SMAD2: variants seen among roughly 807,000 people sequenced by gnomAD.
SMAD2 encodes MAD homolog 2.
In SMAD2, 8 loss-of-function variants were observed where a neutral mutation model predicts 64.4. The observed-to-expected ratio is 0.12, with a 90% confidence interval of 0.07 to 0.22. The LOEUF is 0.22. SMAD2 is among the 10% of genes least tolerant of loss of function. The pLI, the probability that SMAD2 is intolerant of heterozygous loss-of-function variation, is 1.00. For synonymous variants in SMAD2, 203 were observed against 195.8 expected (o/e 1.04, Z -0.31); for missense variants, 289 against 561.2 (o/e 0.51, Z 4.90).
rs1350497083 is a variant in SMAD2, at chr18:47,831,449, A to C, written c.*10378T>G. 3 of 152,216 alleles carry C rather than the reference A, an allele frequency of 2.0e-5. No homozygotes were observed. Among genetic ancestry groups the C allele is most frequent in the Non-Finnish European group, 4.4e-5 (3 of 68,040 alleles). 9.4% of individuals were successfully genotyped at this position (152,216 alleles called of 1,614,324 possible). ...TTTCCTGTCATCACATCTCTTTCCT[A>C]AACTACTTTAGAACTTAAATAATTT... On this transcript the variant is annotated 3_prime_UTR_variant, in exon 11 of 11. Transcript: ENST00000262160.
rs1308245445 is a variant in SMAD2 at position 47,818,573 on chromosome 18, T to C, written c.*23254A>G. ...ATCCACAACTGCTAAAATGCTTCCC[T>C]GCCTGCACTGACTAGTCAAAAAAAC... On this transcript the variant is annotated 3_prime_UTR_variant, in exon 11 of 11. Transcript: ENST00000262160. The C allele has an allele frequency of 6.6e-6, 1 of 152,222 alleles. No homozygotes were observed. The highest frequency in any genetic ancestry group is 2.4e-5 in the African/African-American group (1 of 41,448). The allele number at this position is 152,222 out of a possible 1,614,324, so 9.4% of individuals were successfully genotyped here.
At chr18:47,870,996 T>G (rs890067069) in intron 2 of SMAD2, among the ~76,000 whole-genome samples, 1 of 152,190 alleles carries the variant, frequency 6.6e-6, no homozygotes, top group African/African-American at 2.4e-5. Context: ...TAGACATGCA[T>G]CCACAGTTAA....
chr18:47,913,454 T>TA (rs2034220233), intron 1 of SMAD2, among the ~76,000 whole-genome samples: 1 of 152,200 alleles, frequency 6.6e-6, no homozygotes, highest in Non-Finnish European at 1.5e-5. Flanking sequence ...AGTGAACACT[T>TA]AAAGTTGCCA....
At position 47,814,496 on chromosome 18, in the gene SMAD2, A is replaced by T. The variant is rs1912304902; in HGVS notation, c.*27331T>A. 1 of 152,190 alleles carries T rather than the reference A, an allele frequency of 6.6e-6. No individual in the cohort carries two copies. The highest frequency in any genetic ancestry group is 1.5e-5 in the Non-Finnish European group (1 of 68,038). 9.4% of individuals were successfully genotyped at this position (152,190 alleles called of 1,614,324 possible). The stretch of plus-strand genomic sequence containing the variant: ...GAAACTGAGAATACGATGTGAGAAG[A>T]GTCTCTTCATTAGGCAGGAGTGGAA... On this transcript the variant is annotated 3_prime_UTR_variant, in exon 11 of 11. Coordinates refer to ENST00000262160, the MANE Select transcript of SMAD2 (RefSeq NM_005901.6).
intron 1 of SMAD2, among the ~76,000 whole-genome samples, chr18:47,905,941 A>G (rs551171413): frequency 6.6e-6 from 1 of 152,064 alleles, no homozygotes; most frequent in East Asian, 1.9e-4. Context: ...GCAAGACCCC[A>G]TCTCTACTAA....
intron 2 of SMAD2, among the ~76,000 whole-genome samples, chr18:47,871,509 C>T (rs894936209): frequency 3.3e-5 from 5 of 152,202 alleles, no homozygotes; most frequent in Admixed American, 2.0e-4. Flanking sequence ...AACAGAACCA[C>T]CTGGCATCCT....
chr18:47,811,856 T>C lies in SMAD2; in HGVS notation c.*29971A>G, dbSNP rs1400146451. On this transcript the variant is annotated 3_prime_UTR_variant, in exon 11 of 11. Transcript: ENST00000262160. ...CTGTCAGTCGATCAAGAAGCATTTA[T>C]TGCATGCCTACCATATATAAAGCAC... is the stretch of plus-strand genomic sequence containing the variant. 6.6e-6 allele frequency: 1 copy of C among 152,210 alleles called. No individual in the cohort carries two copies. The highest frequency in any genetic ancestry group is 1.5e-5 in the Non-Finnish European group (1 of 68,040). The allele number at this position is 152,210 out of a possible 1,614,324, so 9.4% of individuals were successfully genotyped here. A position where few individuals can be genotyped will look rare whatever the true frequency, so the allele number is the denominator to read the frequency against.
Position 47,814,465 on chromosome 18 carries a change from A to T in SMAD2, c.*27362T>A, listed in dbSNP as rs1912303929. 6.6e-6 allele frequency: 1 copy of T among 152,230 alleles called. No individual in the cohort carries two copies. The highest frequency in any genetic ancestry group is 2.4e-5 in the African/African-American group (1 of 41,468). 9.4% of individuals were successfully genotyped at this position (152,230 alleles called of 1,614,324 possible). On this transcript the variant is annotated 3_prime_UTR_variant, in exon 11 of 11. Transcript: ENST00000262160. The stretch of plus-strand genomic sequence containing the variant: ...ACATGAGTTTTACTCCTAACCATGG[A>T]TAAGAGAAACTGAGAATACGATGTG...
rs1913621029 is a variant in SMAD2, at chr18:47,838,237, C to A, written c.*3590G>T. On this transcript the variant is annotated 3_prime_UTR_variant, in exon 11 of 11. Coordinates refer to ENST00000262160, the MANE Select transcript of SMAD2 (RefSeq NM_005901.6). The stretch of plus-strand genomic sequence containing the variant: ...CATTTGACAGTGTTTAAAAGACAGA[C>A]AAATCAAGCAAAACTCAATGTGGCT... 1 of 232,988 alleles carries A rather than the reference C, an allele frequency of 4.3e-6. No individual in the cohort carries two copies. The highest frequency in any genetic ancestry group is 2.2e-5 in the African/African-American group (1 of 45,280). 14.4% of individuals were successfully genotyped at this position (232,988 alleles called of 1,614,324 possible).
At chr18:47,918,081 G>A (rs2144533244) in intron 1 of SMAD2, among the ~76,000 whole-genome samples, 1 of 152,280 alleles carries the variant, frequency 6.6e-6, no homozygotes, top group South Asian at 2.1e-4. Flanking sequence ...GGGCCAGGCA[G>A]GGGAAGGAAT....
chr18:47,926,517 C>T (rs984811391), intron 1 of SMAD2, among the ~76,000 whole-genome samples: 16 of 152,222 alleles, frequency 1.1e-4, no homozygotes, highest in Admixed American at 1.0e-3. Flanking sequence ...CCAGCCCCCA[C>T]CACACCCCCT....
In SMAD2 at chr18:47,816,271, T is replaced by C. The variant is rs749389265; in HGVS notation, c.*25556A>G. ...TATTGTTCAGAAGTTTTAGGTCTTA[T>C]GAAAAAAAGATTTTTATAAATTATA... On this transcript the variant is annotated 3_prime_UTR_variant, in exon 11 of 11. Coordinates refer to ENST00000262160, the MANE Select transcript of SMAD2 (RefSeq NM_005901.6). 3.3e-5 allele frequency: 5 copies of C among 152,142 alleles called. No individual in the cohort carries two copies. The highest frequency in any genetic ancestry group is 5.9e-5 in the Non-Finnish European group (4 of 68,018). 9.4% of individuals were successfully genotyped at this position (152,142 alleles called of 1,614,324 possible).
At chr18:47,845,537 G>GT (rs973871687) in intron 9 of SMAD2, 53 bp from the exon 10 acceptor site, 17 of 1,585,358 alleles carry the variant, frequency 1.1e-5, no homozygotes, top group African/African-American at 1.3e-5. Context: ...TTATTAAAAA[G>GT]TAATTTTAAA....
Position 47,837,290 on chromosome 18 carries a change from C to A in SMAD2, c.*4537G>T, listed in dbSNP as rs903107461. ...GATAAAAATATGGCTAGGCTGGGCG[C>A]GGTGGCTCATGCCTGTAATCCCAGC... On this transcript the variant is annotated 3_prime_UTR_variant, in exon 11 of 11. Transcript: ENST00000262160. The A allele has an allele frequency of 7.2e-5, 14 of 193,560 alleles. No homozygotes were observed. The highest frequency in any genetic ancestry group is 3.0e-4 in the African/African-American group (13 of 43,048). The allele number at this position is 193,560 out of a possible 1,614,324, so 12.0% of individuals were successfully genotyped here. A position where few individuals can be genotyped will look rare whatever the true frequency, so the allele number is the denominator to read the frequency against.
intron 2 of SMAD2, among the ~76,000 whole-genome samples, chr18:47,881,580 ATT>A (rs1329838030): frequency 6.6e-6 from 1 of 152,184 alleles, no homozygotes; most frequent in Admixed American, 6.5e-5. Flanking sequence ...AACCTTTTAT[ATT>A]TTGTTTTCCT....
chr18:47,903,965 A>C (rs544468277), intron 1 of SMAD2, among the ~76,000 whole-genome samples: 1 of 151,922 alleles, frequency 6.6e-6, no homozygotes, highest in South Asian at 2.1e-4. Context: ...AATGGGGAAC[A>C]AAAAAATGTA....
chr18:47,813,944 G>C lies in SMAD2; in HGVS notation c.*27883C>G, dbSNP rs1043901575. On this transcript the variant is annotated 3_prime_UTR_variant, in exon 11 of 11. Transcript: ENST00000262160. ...TACCAGTATAAACAAATTACAAAGGGAGTGATGAGAAGAGGCAATGAAGTT... is the reference window on the plus strand; with the variant it reads ...TACCAGTATAAACAAATTACAAAGGCAGTGATGAGAAGAGGCAATGAAGTT... 2.0e-5 allele frequency: 3 copies of C among 152,196 alleles called. No homozygotes were observed. Among genetic ancestry groups the C allele is most frequent in the Admixed American group, 2.0e-4 (3 of 15,290 alleles). The allele number at this position is 152,196 out of a possible 1,614,324, so 9.4% of individuals were successfully genotyped here.
rs1042084927 is a variant in SMAD2 at position 47,831,960 on chromosome 18, G to T, written c.*9867C>A. On this transcript the variant is annotated 3_prime_UTR_variant, in exon 11 of 11. Coordinates refer to ENST00000262160, the MANE Select transcript of SMAD2 (RefSeq NM_005901.6). The stretch of plus-strand genomic sequence containing the variant: ...GGTGAATCTGTCAAAGGGTAAGCTG[G>T]ATAACTGTATGTTGCAAACATGTTC... 2 of 152,130 alleles carry T rather than the reference G, an allele frequency of 1.3e-5. No homozygotes were observed. Among genetic ancestry groups the T allele is most frequent in the African/African-American group, 4.8e-5 (2 of 41,426 alleles). The allele number at this position is 152,130 out of a possible 1,614,324, so 9.4% of individuals were successfully genotyped here. A position where few individuals can be genotyped will look rare whatever the true frequency, so the allele number is the denominator to read the frequency against.
intron 2 of SMAD2, among the ~76,000 whole-genome samples, chr18:47,882,695 G>A (rs772437140): frequency 1.5e-4 from 23 of 152,148 alleles, no homozygotes; most frequent in Non-Finnish European, 1.2e-4. Flanking sequence ...TATAAGATTG[G>A]TGATATTTGT....
Sources: gnomAD v4.1 joint callset for allele counts (sites outside exome capture counted in the v4.1 genomes callset) on GRCh38, gnomAD v4.1.1 for gene constraint, MANE v1.5 for transcripts, NCBI Gene and HGNC (gene_info 2026-07-23, HGNC 2026-07-21) for gene names.